The following EPB41L3 variants were observed in gnomAD, a reference collection of about 807,000 sequenced individuals.
EPB41L3 encodes the protein band 4.1-like protein 3.
A neutral mutation model predicts 127.1 loss-of-function variants in EPB41L3; 57 were observed. The observed-to-expected ratio is 0.45, with a 90% CI of 0.36 to 0.56. The LOEUF is 0.56. Among genes scored for constraint, EPB41L3 ranks in the 20% least tolerant of loss-of-function variants. The pLI is 0.00. For synonymous variants in EPB41L3, 572 were observed against 549.5 expected (o/e 1.04, Z -0.57); for missense variants, 1,273 against 1,372.2 (o/e 0.93, Z 1.14).
chr18:5,535,454 A>C (rs2093544315), intron 1 of EPB41L3, among the ~76,000 whole-genome samples: 1 of 152,220 alleles, frequency 6.6e-6, no homozygotes, highest in African/African-American at 2.4e-5. Flanking sequence ...TATTCCTTCT[A>C]AAGTTAATAA....
chr18:5,610,804 T>C (rs1287901888), intron 3 of EPB41L3, among the ~76,000 whole-genome samples: 1 of 152,236 alleles, frequency 6.6e-6, no homozygotes, highest in African/African-American at 2.4e-5. Flanking sequence ...TAAGTTATTA[T>C]TATCTTTTTA....
intron 3 of EPB41L3, among the ~76,000 whole-genome samples, chr18:5,554,242 C>G (rs1405884538): frequency 6.6e-6 from 1 of 152,130 alleles, no homozygotes; most frequent in Non-Finnish European, 1.5e-5. Context: ...TTCTGTCATT[C>G]CAGACATAAG....
chr18:5,556,804 C>T (rs554390720), intron 3 of EPB41L3, among the ~76,000 whole-genome samples: 1 of 152,302 alleles, frequency 6.6e-6, no homozygotes, highest in Non-Finnish European at 1.5e-5. Context: ...TCTGCTCTCT[C>T]ATTTATAAAC....
At chr18:5,567,553 G>A (rs1336324887) in intron 3 of EPB41L3, among the ~76,000 whole-genome samples, 1 of 151,794 alleles carries the variant, frequency 6.6e-6, no homozygotes. Flanking sequence ...GTTTATTTGT[G>A]CTTATCTCAG....
intron 3 of EPB41L3, among the ~76,000 whole-genome samples, chr18:5,474,883 C>T (rs976340455): frequency 1.3e-5 from 2 of 152,198 alleles, no homozygotes; most frequent in African/African-American, 4.8e-5. Context: ...CCTACAGTTT[C>T]TACGGGAACC....
intron 12 of EPB41L3, among the ~76,000 whole-genome samples, chr18:5,418,300 C>A (rs1370275413): frequency 6.6e-6 from 1 of 152,168 alleles, no homozygotes. Flanking sequence ...CTTAGTGCTA[C>A]GTTTTATATA....
chr18:5,442,781 A>C (rs1030361180), intron 5 of EPB41L3, among the ~76,000 whole-genome samples: 5 of 152,180 alleles, frequency 3.3e-5, no homozygotes, highest in Admixed American at 2.6e-4. Context: ...AGGGTAAAAA[A>C]ATTTTAAAAA....
intron 3 of EPB41L3, among the ~76,000 whole-genome samples, chr18:5,475,997 C>A (rs1211205674): frequency 6.6e-6 from 1 of 152,092 alleles, no homozygotes; most frequent in Non-Finnish European, 1.5e-5. Context: ...AGCTCACCAG[C>A]CAAACTTTAC....
At chr18:5,532,161 C>G (rs889697906) in intron 1 of EPB41L3, among the ~76,000 whole-genome samples, 1 of 151,982 alleles carries the variant, frequency 6.6e-6, no homozygotes, top group Non-Finnish European at 1.5e-5. Context: ...TGTTAAACAT[C>G]CCCTAAATGA....
intron 1 of EPB41L3, among the ~76,000 whole-genome samples, chr18:5,522,133 T>C (rs2093017269): frequency 6.6e-6 from 1 of 152,186 alleles, no homozygotes; most frequent in Non-Finnish European, 1.5e-5. Context: ...AGCTGGAGTC[T>C]CACTCTGTTG....
At chr18:5,423,147 C>G (rs781123794) in intron 11 of EPB41L3, among the ~76,000 whole-genome samples, 24 of 152,106 alleles carry the variant, frequency 1.6e-4, no homozygotes, top group Non-Finnish European at 1.3e-4. Flanking sequence ...TCTTCATTCC[C>G]GAAGTGCCAT....
chr18:5,566,723 CATTCT>C (rs57567803), intron 3 of EPB41L3, among the ~76,000 whole-genome samples: 13,213 of 112,152 alleles, frequency 0.12, 754 homozygotes, highest in Middle Eastern at 0.21. Flanking sequence ...TTTTCTATTC[CATTCT>C]ATTCTATTCT....
chr18:5,484,086 CAAAAAAAAAAAAAAAAAAAAA>C (rs57231548), intron 2 of EPB41L3, among the ~76,000 whole-genome samples: 16 of 18,278 alleles, frequency 8.8e-4, no homozygotes, highest in Admixed American at 7.3e-3. Context: ...CAAACAAACT[CAAAAAAAAAAAAAAAAAAAAA>C]AAAAAAAAAA....
chr18:5,457,618 T>A (rs544285798), intron 3 of EPB41L3, among the ~76,000 whole-genome samples: 1 of 152,126 alleles, frequency 6.6e-6, no homozygotes, highest in South Asian at 2.1e-4. Context: ...TCAGATTCAG[T>A]AGTGAGAGAT....
In EPB41L3 at chr18:5,392,856, A is replaced by T. The variant is rs1398398242; in HGVS notation, c.*629T>A. On this transcript the variant is annotated 3_prime_UTR_variant, in exon 23 of 23. Transcript: ENST00000341928. Reference sequence around the variant, plus strand: ...TCAGTACTACCTTATAACAAATTAAATGAGATACACAAAGCAAGATTGGAA... The same window carrying T: ...TCAGTACTACCTTATAACAAATTAATTGAGATACACAAAGCAAGATTGGAA... The T allele has an allele frequency of 6.6e-6, 1 of 152,662 alleles. No homozygotes were observed. The allele number at this position is 152,662 out of a possible 1,614,324, so 9.5% of individuals were successfully genotyped here.
chr18:5,469,666 G>A (rs1428556744), intron 3 of EPB41L3, among the ~76,000 whole-genome samples: 4 of 152,174 alleles, frequency 2.6e-5, no homozygotes, highest in African/African-American at 4.8e-5. Context: ...AGAGGCTTCC[G>A]GCTGGAAAAG....
intron 1 of EPB41L3, among the ~76,000 whole-genome samples, chr18:5,524,932 G>T (rs1283198290): frequency 6.6e-6 from 1 of 152,182 alleles, no homozygotes; most frequent in Non-Finnish European, 1.5e-5. Flanking sequence ...AAGCAAGTGG[G>T]GGAGGGGCTG....
At chr18:5,534,142 G>A (rs1404387205) in intron 1 of EPB41L3, among the ~76,000 whole-genome samples, 1 of 152,146 alleles carries the variant, frequency 6.6e-6, no homozygotes, top group African/African-American at 2.4e-5. Context: ...CAGCCTGGGT[G>A]ACAGAGCGAG....
intron 3 of EPB41L3, among the ~76,000 whole-genome samples, chr18:5,581,172 T>C (rs2094390323): frequency 6.6e-6 from 1 of 152,182 alleles, no homozygotes; most frequent in South Asian, 2.1e-4. Context: ...TACATAAACA[T>C]GTAGTGGATG....
Sources: gnomAD v4.1 joint callset for allele counts (sites outside exome capture counted in the v4.1 genomes callset) on GRCh38, gnomAD v4.1.1 for gene constraint, MANE v1.5 for transcripts, NCBI Gene and HGNC (gene_info 2026-07-23, HGNC 2026-07-21) for gene names.